Variants in PTBP2 observed in about 807,000 individuals in gnomAD.
PTBP2 encodes polypyrimidine tract-binding protein 2.
PTBP2 carries 13 observed loss-of-function variants against 61.4 expected under a neutral mutation model. The observed-to-expected ratio is 0.21, with a 90% CI of 0.14 to 0.34. PTBP2 has a LOEUF of 0.34. Ranked by LOEUF, PTBP2 falls within the 10% of genes least tolerant of loss-of-function variation. The pLI, the probability that PTBP2 is intolerant of heterozygous loss-of-function variation, is 1.00. For synonymous variants in PTBP2, 215 were observed against 218.5 expected (o/e 0.98, Z 0.14); for missense variants, 405 against 642.6 (o/e 0.63, Z 4.00).
At position 96,769,812 on chromosome 1, in the gene PTBP2, T is replaced by C; in HGVS notation, c.225T>C (p.Val75=). Reference sequence around the variant, plus strand: ...CTGGGGAAGTAACAGAAACTGAAGTTATTGCTTTAGGCTTACCTTTTGGTA... The same window carrying C: ...CTGGGGAAGTAACAGAAACTGAAGTCATTGCTTTAGGCTTACCTTTTGGTA... ...KLPGEVTETE[V]IALGLPFGKV... is the part of the protein sequence containing the mutation. The change falls in exon 4 of 14, where the codon GTT becomes GTC. Residue 75 remains valine, a synonymous_variant. Coordinates refer to ENST00000674951, the MANE Select transcript of PTBP2 (RefSeq NM_021190.4). The C allele has an allele frequency of 6.2e-7, 1 of 1,612,356 alleles. No homozygotes were observed. The highest frequency in any genetic ancestry group is 1.3e-5 in the African/African-American group (1 of 74,986).
chr1:96,751,579 T>C (rs1312085474), intron 3 of PTBP2, 79 bp downstream of exon 3: 10 of 1,068,824 alleles, frequency 9.4e-6, no homozygotes, highest in Non-Finnish European at 1.4e-5. Context: ...AACCCTGTTA[T>C]ACCAGGAAAG....
At chr1:96,791,827 T>TTTTTTTTGTTTTTTTTTTTG (rs1553184731) in intron 8 of PTBP2, among the ~76,000 whole-genome samples, 2,005 of 81,812 alleles carry the variant, frequency 0.025, 101 homozygotes, top group African/African-American at 0.077. Flanking sequence ...GGAGTTGTGC[T>TTTTTTTTGTTTTTTTTTTTG]TTTTTTTTTT....
Position 96,812,939 on chromosome 1 carries a change from A to G in PTBP2, c.1388+11A>G, listed in dbSNP as rs1662215360. On this transcript the variant is annotated intron_variant, in intron 12 of 13. Coordinates refer to ENST00000674951, the MANE Select transcript of PTBP2 (RefSeq NM_021190.4). ...CCTATCTAATATCCCGTAAGTATAT[A>G]AGCTAGAGTGTATTGAGATACATTC... The G allele has an allele frequency of 6.2e-7, 1 of 1,600,008 alleles. No homozygotes were observed. The highest frequency in any genetic ancestry group is 1.1e-5 in the South Asian group (1 of 90,796).
chr1:96,767,749 C>T (rs956723763), intron 3 of PTBP2, among the ~76,000 whole-genome samples: 1 of 152,088 alleles, frequency 6.6e-6, no homozygotes, highest in Non-Finnish European at 1.5e-5. Context: ...AGATAAGATA[C>T]TACAAAATGC....
chr1:96,820,316 T>G (rs1285030097), exon 14 of PTBP2: 1 of 152,092 alleles, frequency 6.6e-6, no homozygotes, highest in African/African-American at 2.4e-5. Flanking sequence ...GCCATGTACA[T>G]TGTAGAGAAT....
At chr1:96,725,395 G>A (rs1041847042) in intron 2 of PTBP2, among the ~76,000 whole-genome samples, 1 of 151,782 alleles carries the variant, frequency 6.6e-6, no homozygotes, top group African/African-American at 2.4e-5. Context: ...CGCCTTCCGG[G>A]TTCACTCCAT....
At chr1:96,746,702 G>GA (rs34663964) in intron 2 of PTBP2, among the ~76,000 whole-genome samples, 46,303 of 111,568 alleles carry the variant, frequency 0.42, 8,970 homozygotes, top group East Asian at 0.5. Flanking sequence ...GACTTTGTCT[G>GA]AAAAAAAAAA....
At chr1:96,739,819 G>A (rs1462129928) in intron 2 of PTBP2, among the ~76,000 whole-genome samples, 1 of 151,136 alleles carries the variant, frequency 6.6e-6, no homozygotes, top group Admixed American at 6.6e-5. Context: ...GTAGAGACGG[G>A]GTTTCACTGT....
intron 5 of PTBP2, among the ~76,000 whole-genome samples, chr1:96,772,941 T>C (rs1016507945): frequency 2.7e-5 from 4 of 147,646 alleles, no homozygotes; most frequent in African/African-American, 7.6e-5. Context: ...GGTGAAACCC[T>C]GAGTCTACTA....
chr1:96,763,171 G>A (rs564902880), intron 3 of PTBP2, among the ~76,000 whole-genome samples: 13 of 152,286 alleles, frequency 8.5e-5, no homozygotes, highest in Admixed American at 2.0e-4. Flanking sequence ...CTTCCCAAAC[G>A]GGGTGGCGGC....
At position 96,777,892 on chromosome 1, in the gene PTBP2, G is replaced by A. The variant is rs774591087; in HGVS notation, c.654G>A (p.Gln218=). ...TAATCACATTTACAAAAAATAACCA[G>A]TTTCAAGCTTTGCTCCAGTATGGTG... ...LKIITFTKNN[Q]FQALLQYGDP... Residue 218 remains glutamine, a synonymous_variant, in exon 7 of 14, where the codon CAG becomes CAA. Transcript: ENST00000674951. The A allele has an allele frequency of 6.1e-5, 97 of 1,593,344 alleles. No homozygotes were observed. The highest frequency in any genetic ancestry group is 7.8e-5 in the Non-Finnish European group (91 of 1,169,080).
At chr1:96,744,826 C>A (rs145536957) in intron 2 of PTBP2, among the ~76,000 whole-genome samples, 2 of 152,136 alleles carry the variant, frequency 1.3e-5, no homozygotes, top group African/African-American at 4.8e-5. Flanking sequence ...TTTATACTTA[C>A]TAAATTATGA....
intron 2 of PTBP2, among the ~76,000 whole-genome samples, chr1:96,746,156 A>G (rs1259595624): frequency 2.0e-5 from 3 of 152,106 alleles, no homozygotes; most frequent in African/African-American, 7.2e-5. Flanking sequence ...TTCCTGGTGC[A>G]TTTATGCAAG....
At chr1:96,727,480 T>A (rs1452634977) in intron 2 of PTBP2, among the ~76,000 whole-genome samples, 1 of 152,214 alleles carries the variant, frequency 6.6e-6, no homozygotes, top group African/African-American at 2.4e-5. Flanking sequence ...GCAAACTTTT[T>A]AAAAGTAGTT....
intron 4 of PTBP2, among the ~76,000 whole-genome samples, chr1:96,770,196 C>A (rs184085584): frequency 6.6e-6 from 1 of 151,700 alleles, no homozygotes; most frequent in Non-Finnish European, 1.5e-5. Flanking sequence ...GGGTACTAGT[C>A]GCATCTTTCC....
intron 2 of PTBP2, among the ~76,000 whole-genome samples, chr1:96,746,817 TTGTCTGTC>T (rs142315770): frequency 0.03 from 2,789 of 91,596 alleles, 62 homozygotes; most frequent in East Asian, 0.062. Flanking sequence ...TTATGCTGTC[TTGTCTGTC>T]TGTCTGTCTG....
At chr1:96,742,160 A>G (rs1448572402) in intron 2 of PTBP2, among the ~76,000 whole-genome samples, 5 of 152,226 alleles carry the variant, frequency 3.3e-5, no homozygotes, top group Admixed American at 1.3e-4. Flanking sequence ...GCATTATCAA[A>G]ATAAAATGGC....
At chr1:96,777,284 A>G (rs1030277723) in intron 5 of PTBP2, among the ~76,000 whole-genome samples, 2 of 152,210 alleles carry the variant, frequency 1.3e-5, no homozygotes, top group African/African-American at 4.8e-5. Context: ...CTGATGGTAC[A>G]TGTATTTATA....
rs1655404281 is a variant in PTBP2 at position 96,758,441 on chromosome 1, A to G, written c.115+6941A>G. 2.0e-5 allele frequency among the ~76,000 whole-genome samples: 3 copies of G among 152,088 alleles called. No homozygotes were observed. In the South Asian group the frequency reaches 6.2e-4, roughly 32 times the overall value. ...ACTGACAGCAAAACCTGACAAGGGTAATATATCAAGATTTCAGACTAGTAT... is the reference window on the plus strand; with the variant it reads ...ACTGACAGCAAAACCTGACAAGGGTGATATATCAAGATTTCAGACTAGTAT... On this transcript the variant is annotated intron_variant, in intron 3 of 13. Transcript: ENST00000674951.
Sources: gnomAD v4.1 joint callset for allele counts (sites outside exome capture counted in the v4.1 genomes callset) on GRCh38, gnomAD v4.1.1 for gene constraint, MANE v1.5 for transcripts, NCBI Gene and HGNC (gene_info 2026-07-23, HGNC 2026-07-21) for gene names.